RAP1GAP: variants seen among roughly 807,000 people sequenced by gnomAD.
The protein encoded by RAP1GAP is RAP1 GTPase activating protein.
A neutral mutation model predicts 87.2 loss-of-function variants in RAP1GAP; 35 were observed. The observed-to-expected ratio is 0.40, with a 90% confidence interval of 0.31 to 0.53. The LOEUF is 0.53. Ranked by LOEUF, RAP1GAP falls within the 20% of genes least tolerant of loss-of-function variation. The probability of loss-of-function intolerance (pLI) is 0.48; values close to 1 mark genes in which losing one functional copy is unlikely to be tolerated. For missense variants in RAP1GAP, 734 were observed against 898.9 expected (o/e 0.82, Z 2.35); for synonymous variants, 375 against 363.9 (o/e 1.03, Z -0.35).
At chr1:21,602,658 A>C in intron 19 of RAP1GAP, 146 bp downstream of exon 19, 1 of 672,430 alleles carries the variant, frequency 1.5e-6, no homozygotes, top group Non-Finnish European at 2.4e-6. Flanking sequence ...CCCGACACGC[A>C]GCAGGGACTT....
intron 7 of RAP1GAP, among the ~76,000 whole-genome samples, chr1:21,616,345 G>A (rs1471159530): frequency 6.6e-6 from 1 of 152,164 alleles, no homozygotes; most frequent in African/African-American, 2.4e-5. Context: ...GAATAATCCT[G>A]ATATCACCAA....
At position 21,642,875 on chromosome 1, in the gene RAP1GAP, TACACACACAC is replaced by T. The variant is rs61497285; in HGVS notation, c.-113+6876_-113+6885del. ...CGCACAGTGCACCTCCCTTCCCCAC[TACACACACAC>T]ACACACACACACACACACACACACA... On this transcript the variant is annotated intron_variant, in intron 2 of 24. Coordinates refer to ENST00000374765, the MANE Select transcript of RAP1GAP (RefSeq NM_002885.4). 7.5e-3 allele frequency among the ~76,000 whole-genome samples: 1,007 copies of T among 134,302 alleles called. 11 individuals carry two copies. Among genetic ancestry groups the T allele is most frequent in the African/African-American group, 0.027 (945 of 35,126 alleles). The allele number at this position is 134,302 out of a possible 152,430, so 88.1% of individuals were successfully genotyped here.
At chr1:21,661,995 T>C (rs981560956) in intron 1 of RAP1GAP, among the ~76,000 whole-genome samples, 43 of 152,218 alleles carry the variant, frequency 2.8e-4, no homozygotes, top group Non-Finnish European at 4.9e-4. Context: ...AAGGGCGTGG[T>C]GTTCCCGTGA....
At position 21,613,478 on chromosome 1, in the gene RAP1GAP, G is replaced by A. The variant is rs990416935; in HGVS notation, c.474+150C>T. The A allele has an allele frequency of 3.4e-5, 28 of 826,914 alleles. No individual in the cohort carries two copies. The highest frequency in any genetic ancestry group is 5.2e-5 in the Non-Finnish European group (26 of 502,024). The allele number at this position is 826,914 out of a possible 1,614,324, so 51.2% of individuals were successfully genotyped here. A position where few individuals can be genotyped will look rare whatever the true frequency, so the allele number is the denominator to read the frequency against. ...GAGAACACGTGGCAGCCCAAGACAC[G>A]ATGGGAACAAGTGAGAGACAGCCTC... On this transcript the variant is annotated intron_variant, in intron 9 of 24. Coordinates refer to ENST00000374765, the MANE Select transcript of RAP1GAP (RefSeq NM_002885.4). The surrounding 1 kb of genome is among the most constrained non-coding windows in gnomAD (Gnocchi z 4.7).
chr1:21,658,096 T>G (rs572429799), intron 1 of RAP1GAP, among the ~76,000 whole-genome samples: 4 of 152,296 alleles, frequency 2.6e-5, no homozygotes, highest in African/African-American at 9.6e-5. Context: ...TCATCAGATA[T>G]CCTCCTAGAT....
chr1:21,624,917 G>A (rs915243111), intron 3 of RAP1GAP, among the ~76,000 whole-genome samples: 2 of 152,186 alleles, frequency 1.3e-5, no homozygotes, highest in Non-Finnish European at 2.9e-5. Flanking sequence ...AGGGCATACA[G>A]CCCTTGGTGA....
At chr1:21,654,805 C>G (rs576273398) in intron 1 of RAP1GAP, among the ~76,000 whole-genome samples, 26 of 150,164 alleles carry the variant, frequency 1.7e-4, no homozygotes, top group African/African-American at 5.9e-4. Context: ...GCACTCCAGC[C>G]TGGGTGACAG....
Position 21,626,363 on chromosome 1 carries a change from C to T in RAP1GAP, c.-78G>A. 6.2e-7 allele frequency: 1 copy of T among 1,613,306 alleles called. No homozygotes were observed. The highest frequency in any genetic ancestry group is 8.5e-7 in the Non-Finnish European group (1 of 1,179,420). On this transcript the variant is annotated 5_prime_UTR_variant, in exon 3 of 25. Transcript: ENST00000374765. ...AAGTTCACTCGTGACAGGTCTAGTG[C>T]CTGAGGGAAGTGCTGGTTCTGCCCA...
chr1:21,650,308 T>G (rs1252875912), intron 1 of RAP1GAP, among the ~76,000 whole-genome samples: 1 of 151,982 alleles, frequency 6.6e-6, no homozygotes, highest in Non-Finnish European at 1.5e-5. Context: ...TGGGAGGAGA[T>G]CTAGGAGGAG....
intron 1 of RAP1GAP, among the ~76,000 whole-genome samples, chr1:21,665,852 G>A (rs954590346): frequency 6.6e-6 from 1 of 152,180 alleles, no homozygotes; most frequent in Non-Finnish European, 1.5e-5. Flanking sequence ...GCACTCTGCA[G>A]GAAGTCATCA....
chr1:21,607,339 A>G (rs897155616), intron 17 of RAP1GAP, among the ~76,000 whole-genome samples: 1 of 152,216 alleles, frequency 6.6e-6, no homozygotes, highest in African/African-American at 2.4e-5. Context: ...TAACTCTTTT[A>G]CAGATAACAA....
chr1:21,659,502 C>T (rs12038642), intron 1 of RAP1GAP, among the ~76,000 whole-genome samples: 18,302 of 152,098 alleles, frequency 0.12, 1,482 homozygotes, highest in East Asian at 0.31. Context: ...CGCACGTCTC[C>T]CAGCTCACAA....
At chr1:21,626,492 A>G in intron 2 of RAP1GAP, 95 bp from the exon 3 acceptor site, 2 of 1,014,568 alleles carry the variant, frequency 2.0e-6, no homozygotes, top group Non-Finnish European at 3.1e-6. Context: ...GATGTGAGGG[A>G]GGATAGACTT....
chr1:21,629,310 C>T (rs1211777989), intron 2 of RAP1GAP, among the ~76,000 whole-genome samples: 1 of 152,150 alleles, frequency 6.6e-6, no homozygotes. Flanking sequence ...CGGTGCCCTT[C>T]TGTCTTCCCC....
rs760299099 is a variant in RAP1GAP at position 21,615,532 on chromosome 1, C to T, written c.292-1443G>A. Among the ~76,000 whole-genome samples the T allele has an allele frequency of 3.2e-4, 48 of 152,294 alleles. No homozygotes were observed. Among genetic ancestry groups the T allele is most frequent in the Non-Finnish European group, 5.6e-4 (38 of 68,024 alleles). On this transcript the variant is annotated intron_variant, in intron 7 of 24. Transcript: ENST00000374765. This position sits in a 1 kb window ranked among gnomAD's most constrained non-coding sequence, Gnocchi z 4.5. ...TCAGCCTCCTGAGTAGCTGGGATTA[C>T]AGGCGCCCAGCACCACACCTGGCTA...
intron 3 of RAP1GAP, 101 bp from the exon 4 acceptor site, chr1:21,620,151 T>C: frequency 4.8e-6 from 6 of 1,243,734 alleles, no homozygotes; most frequent in Non-Finnish European, 7.0e-6. Context: ...CTCTGATCAG[T>C]GACCGAGGCA....
At chr1:21,607,741 A>C (rs572273000) in intron 17 of RAP1GAP, among the ~76,000 whole-genome samples, 4 of 152,098 alleles carry the variant, frequency 2.6e-5, no homozygotes, top group African/African-American at 9.6e-5. Context: ...GCCCCACCTT[A>C]CATGCTGCTC....
At chr1:21,610,729 C>T (rs1020739156) in intron 13 of RAP1GAP, among the ~76,000 whole-genome samples, 1 of 152,190 alleles carries the variant, frequency 6.6e-6, no homozygotes, top group African/African-American at 2.4e-5. Context: ...AGCCCTTCTC[C>T]TATCTCAATG....
At chr1:21,659,386 C>G (rs912565944) in intron 1 of RAP1GAP, among the ~76,000 whole-genome samples, 1 of 152,208 alleles carries the variant, frequency 6.6e-6, no homozygotes, top group African/African-American at 2.4e-5. Context: ...ACAGCGCCCC[C>G]AGTCACCGGC....
Sources: gnomAD v4.1 joint callset for allele counts (sites outside exome capture counted in the v4.1 genomes callset) on GRCh38, gnomAD v4.1.1 for gene constraint, Gnocchi (gnomAD v3.1) non-coding constraint, MANE v1.5 for transcripts, NCBI Gene and HGNC (gene_info 2026-07-23, HGNC 2026-07-21) for gene names.